The following TEX14 variants were observed in gnomAD, a reference collection of about 807,000 sequenced individuals.
The protein encoded by TEX14 is inactive serine/threonine-protein kinase TEX14.
TEX14 carries 168 observed loss-of-function variants against 178.6 expected under a neutral mutation model. The ratio of observed to expected loss-of-function variants is 0.94; its 90% CI spans 0.83 to 1.07. TEX14 has a LOEUF of 1.07. Among genes scored for constraint, TEX14 ranks in the 50% least tolerant of loss-of-function variants. TEX14 has a pLI of 0.00. For synonymous variants in TEX14, 626 were observed against 634.1 expected, an observed-to-expected ratio of 0.99 and a Z score of 0.19; for missense variants, 1,730 against 1,753.6, an observed-to-expected ratio of 0.99 and a Z score of 0.24.
chr17:58,616,084 A>AGTAGAAAC, intron 7 of TEX14, 91 bp downstream of exon 7: 1 of 1,388,264 alleles, frequency 7.2e-7, no homozygotes, highest in Non-Finnish European at 9.8e-7. Context: ...CCTGTGTTTG[A>AGTAGAAAC]GTAGAAACTC....
chr17:58,630,344 C>T (rs2046258254), intron 3 of TEX14, 96 bp downstream of exon 3: 2 of 925,816 alleles, frequency 2.2e-6, no homozygotes, highest in South Asian at 3.0e-5. Context: ...GTATGAGACA[C>T]CGCACCCGGC....
At chr17:58,618,289 A>G (rs761949975) in intron 5 of TEX14, among the ~76,000 whole-genome samples, 2 of 152,332 alleles carry the variant, frequency 1.3e-5, no homozygotes, top group South Asian at 4.1e-4. Context: ...AAATAACCAT[A>G]AGCACATCTT....
chr17:58,621,185 G>A (rs2144546747), intron 5 of TEX14, among the ~76,000 whole-genome samples: 1 of 152,332 alleles, frequency 6.6e-6, no homozygotes, highest in African/African-American at 2.4e-5. Context: ...AGAAGAGGGG[G>A]CTGCCCATCC....
intron 21 of TEX14, among the ~76,000 whole-genome samples, chr17:58,576,667 G>A (rs1393146890): frequency 2.0e-5 from 3 of 152,176 alleles, no homozygotes; most frequent in African/African-American, 7.2e-5. Context: ...AGCTATGCCT[G>A]CTTCCCTCCT....
chr17:58,659,090 T>C (rs1037469470), intron 1 of TEX14, among the ~76,000 whole-genome samples: 6 of 112,934 alleles, frequency 5.3e-5, no homozygotes, highest in African/African-American at 2.3e-4. Context: ...CTACAACAAC[T>C]CTGAAAATAA....
Position 58,598,864 on chromosome 17 carries a change from A to G in TEX14, c.2469+12T>C, listed in dbSNP as rs1352224321. 6.4e-7 allele frequency: 1 copy of G among 1,573,908 alleles called. No homozygotes were observed. The highest frequency in any genetic ancestry group is 8.6e-7 in the Non-Finnish European group (1 of 1,162,360). On this transcript the variant is annotated intron_variant, in intron 14 of 31. Transcript: ENST00000349033. ...ATCTTTTGCCAAAATGTCCCCCTTG[A>G]AAGTCTCTTACCATTCTTGGAAATC...
intron 4 of TEX14, 75 bp downstream of exon 4, chr17:58,622,772 C>T: frequency 1.4e-6 from 2 of 1,451,260 alleles, no homozygotes; most frequent in Non-Finnish European, 9.5e-7. Flanking sequence ...ACGCTCTGTG[C>T]TGACCACTGG....
intron 22 of TEX14, among the ~76,000 whole-genome samples, chr17:58,573,585 C>T (rs2044594550): frequency 6.6e-6 from 1 of 152,182 alleles, no homozygotes; most frequent in African/African-American, 2.4e-5. Context: ...ATGGCATGAT[C>T]TCGGCTCACT....
intron 3 of TEX14, among the ~76,000 whole-genome samples, chr17:58,624,303 A>G (rs955178950): frequency 2.1e-5 from 3 of 144,912 alleles, no homozygotes; most frequent in Non-Finnish European, 4.6e-5. Context: ...CACTATACAA[A>G]CTCTTCTGTA....
At position 58,565,816 on chromosome 17, in the gene TEX14, T is replaced by C. The variant is rs1429540625; in HGVS notation, c.3895A>G (p.Lys1299Glu). Residue 1299 changes from lysine (K) to glutamate (E), a missense_variant, in exon 27 of 32, where the codon AAA becomes GAA. Lys to Glu is a moderately conservative substitution (Grantham distance 56, BLOSUM62 1). Transcript: ENST00000349033. ...QELLDDIELL[K>E]QQQGSSTVLH... is the part of the protein sequence containing the mutation. ...ACCGTGGATGAGCCCTGCTGCTGTTTCAAGAGCTCTGTCACAACACAAAAG... is the reference window on the plus strand; with the variant it reads ...ACCGTGGATGAGCCCTGCTGCTGTTCCAAGAGCTCTGTCACAACACAAAAG... 1 of 1,605,936 alleles carries C rather than the reference T, an allele frequency of 6.2e-7. No homozygotes were observed. Among genetic ancestry groups the C allele is most frequent in the South Asian group, 1.1e-5 (1 of 88,870 alleles).
chr17:58,627,913 C>CTTTTTT (rs1172697593), intron 3 of TEX14, among the ~76,000 whole-genome samples: 4 of 75,662 alleles, frequency 5.3e-5, no homozygotes, highest in Non-Finnish European at 7.2e-5. Flanking sequence ...CCCATGCCAC[C>CTTTTTT]TTTTTTTTTT....
chr17:58,631,528 A>G (rs2046289503), intron 2 of TEX14: 1 of 152,080 alleles, frequency 6.6e-6, no homozygotes, highest in Non-Finnish European at 1.5e-5. Context: ...AAATATATGC[A>G]TATATACACA....
chr17:58,573,045 A>G (rs1233738269), intron 23 of TEX14, 136 bp downstream of exon 23: 4 of 1,251,066 alleles, frequency 3.2e-6, no homozygotes, highest in Non-Finnish European at 4.4e-6. Context: ...GGGATTACCC[A>G]GTTTTGGCCC....
chr17:58,614,303 A>G (rs959662147), intron 8 of TEX14, among the ~76,000 whole-genome samples: 1 of 152,176 alleles, frequency 6.6e-6, no homozygotes, highest in Non-Finnish European at 1.5e-5. Flanking sequence ...CAGCCTGGCC[A>G]AGATGATGAA....
At chr17:58,622,556 A>G (rs1382821464) in intron 4 of TEX14, among the ~76,000 whole-genome samples, 2 of 152,166 alleles carry the variant, frequency 1.3e-5, no homozygotes, top group East Asian at 3.8e-4. Context: ...TGTTGTGAAG[A>G]TTGAGTTAAT....
At chr17:58,563,630 TA>T in intron 28 of TEX14, among the ~76,000 whole-genome samples, 1 of 12,728 alleles carries the variant, frequency 7.9e-5, no homozygotes, top group Non-Finnish European at 1.3e-4. Flanking sequence ...TTTATATATA[TA>T]TATATATATA....
chr17:58,616,242 C>T lies in TEX14; in HGVS notation c.700G>A (p.Glu234Lys), dbSNP rs114057661. ...GGCTCATCATCAGCTTGAATCACTT[C>T]CTTTTCTCCAATGACCGGAAGAGAT... ...LGSLPVIGEK[E>K]VIQADDEPTF... The change falls in exon 7 of 32, where the codon GAA (glutamate) becomes AAA (lysine). Residue 234 changes from glutamate to lysine, a missense_variant. Transcript: ENST00000349033. 3.1e-6 allele frequency: 5 copies of T among 1,614,066 alleles called. No homozygotes were observed. Among genetic ancestry groups the T allele is most frequent in the Non-Finnish European group, 4.2e-6 (5 of 1,179,974 alleles).
At chr17:58,606,355 T>G (rs913081844) in intron 10 of TEX14, among the ~76,000 whole-genome samples, 1 of 152,228 alleles carries the variant, frequency 6.6e-6, no homozygotes, top group African/African-American at 2.4e-5. Flanking sequence ...CAAGACTTAA[T>G]GACTGGCAGT....
At position 58,579,706 on chromosome 17, in the gene TEX14, A is replaced by G. The variant is rs1325385706; in HGVS notation, c.3197T>C (p.Phe1066Ser). The change falls in exon 20 of 32, where the codon TTT becomes TCT. Residue 1066 changes from phenylalanine to serine, a missense_variant. This residue lies in a region of TEX14 where 941 missense variants were observed against 1,072.4 expected (regional missense o/e 0.88). Transcript: ENST00000349033. ...YSTSSPIEED[F>S]EGIQGAFAQP... ...GGCAAATGCACCTTGTATTCCTTCA[A>G]AGTCCTCTTCTATGGGACTCGAGGT... The G allele has an allele frequency of 1.9e-6, 3 of 1,614,046 alleles. No homozygotes were observed. Among genetic ancestry groups the G allele is most frequent in the Non-Finnish European group, 1.7e-6 (2 of 1,179,970 alleles).
Sources: allele counts gnomAD v4.1 joint callset (sites outside exome capture counted in the v4.1 genomes callset), GRCh38; gene constraint gnomAD v4.1.1; regional missense constraint gnomAD v4.1.1; transcripts MANE v1.5; gene names NCBI Gene and HGNC (gene_info 2026-07-23, HGNC 2026-07-21).